Variants in MEGF11 observed in about 807,000 individuals in gnomAD.
The protein encoded by MEGF11 is multiple EGF like domains 11, also known as multiple epidermal growth factor-like domains protein 11.
In MEGF11, 126 loss-of-function variants were observed where a neutral mutation model predicts 146.6. That is an observed-to-expected ratio of 0.86 (90% confidence interval 0.74 to 1.00). MEGF11 has a LOEUF of 1.00. Among genes scored for constraint, MEGF11 ranks in the 50% least tolerant of loss-of-function variants. The pLI, the probability that MEGF11 is intolerant of heterozygous loss-of-function variation, is 0.00. For missense variants in MEGF11, 1,509 were observed against 1,521.2 expected, an observed-to-expected ratio of 0.99 and a Z score of 0.13; for synonymous variants, 532 against 583.4, an observed-to-expected ratio of 0.91 and a Z score of 1.27.
intron 5 of MEGF11, among the ~76,000 whole-genome samples, chr15:66,082,033 G>C (rs967791134): frequency 6.6e-6 from 1 of 152,114 alleles, no homozygotes; most frequent in Non-Finnish European, 1.5e-5. Flanking sequence ...TTGGACCTCC[G>C]AGCCTCCAGA....
At chr15:66,228,373 C>T (rs974688060) in intron 1 of MEGF11, among the ~76,000 whole-genome samples, 11 of 152,052 alleles carry the variant, frequency 7.2e-5, no homozygotes, top group Non-Finnish European at 1.0e-4. Flanking sequence ...CCTGCTCTTC[C>T]TCCTCCACCA....
At chr15:65,930,985 A>T (rs1458263121) in intron 10 of MEGF11, 42 bp from the exon 11 acceptor site, 1 of 1,509,860 alleles carries the variant, frequency 6.6e-7, no homozygotes, top group Non-Finnish European at 8.9e-7. Flanking sequence ...AGGTTGCTCC[A>T]TGTTGGATGG....
rs67745382 is a variant in MEGF11, at chr15:66,253,695, AG to A, written c.-100del. On this transcript the variant is annotated 5_prime_UTR_variant, in exon 1 of 26. Coordinates refer to ENST00000395614, the MANE Select transcript of MEGF11 (RefSeq NM_001385028.1). The stretch of plus-strand genomic sequence containing the variant: ...CCTGGCCAGAGCGCCAGGCAGGAGC[AG>A]GGGGCCGCGAGCAGCCGGGAGCCGG... 25,988 of 151,648 alleles carry A rather than the reference AG, an allele frequency of 0.17. 2,680 individuals carry two copies. Among genetic ancestry groups the A allele is most frequent in the Middle Eastern group, 0.31 (92 of 296 alleles). 9.4% of individuals were successfully genotyped at this position (151,648 alleles called of 1,614,324 possible). A position where few individuals can be genotyped will look rare whatever the true frequency, so the allele number is the denominator to read the frequency against.
chr15:66,212,580 G>A (rs1020943217), intron 1 of MEGF11, among the ~76,000 whole-genome samples: 15 of 152,222 alleles, frequency 9.9e-5, no homozygotes, highest in Non-Finnish European at 1.9e-4. Flanking sequence ...CAGTAGTGAA[G>A]GTAATTACAT....
At chr15:66,249,576 G>C (rs1340559723) in intron 1 of MEGF11, among the ~76,000 whole-genome samples, 1 of 152,190 alleles carries the variant, frequency 6.6e-6, no homozygotes, top group Admixed American at 6.5e-5. Flanking sequence ...CTCTTGGATG[G>C]GGAGGGGGAG....
intron 1 of MEGF11, among the ~76,000 whole-genome samples, chr15:66,165,007 C>A (rs1373380388): frequency 6.6e-6 from 1 of 152,198 alleles, no homozygotes; most frequent in Non-Finnish European, 1.5e-5. Flanking sequence ...GGGAGACTCC[C>A]GGACAGCAGA....
intron 4 of MEGF11, among the ~76,000 whole-genome samples, chr15:66,097,883 G>T (rs942380942): frequency 6.6e-6 from 1 of 152,136 alleles, no homozygotes; most frequent in African/African-American, 2.4e-5. Context: ...GTAAGATCCA[G>T]CAGCAGATCT....
At chr15:66,130,824 C>T (rs776129238) in intron 1 of MEGF11, among the ~76,000 whole-genome samples, 2 of 152,048 alleles carry the variant, frequency 1.3e-5, no homozygotes, top group Non-Finnish European at 2.9e-5. Flanking sequence ...CACATGGGGG[C>T]AACTCATCCC....
chr15:66,119,941 C>A lies in MEGF11; in HGVS notation c.201-755G>T, dbSNP rs542365358. Among the ~76,000 whole-genome samples, 3 of 152,294 alleles carry A rather than the reference C, an allele frequency of 2.0e-5. No homozygotes were observed. In the South Asian group the frequency reaches 6.2e-4, roughly 32 times the overall value. On this transcript the variant is annotated intron_variant, in intron 3 of 25. Transcript: ENST00000395614. ...CTCATTCCATTCCCTGGGGCAGGCA[C>A]CATTACTATCCCCCTTTATTTTATT...
intron 10 of MEGF11, among the ~76,000 whole-genome samples, chr15:65,932,337 C>T (rs901542280): frequency 3.9e-5 from 6 of 151,966 alleles, no homozygotes; most frequent in African/African-American, 9.6e-5. Context: ...GCCTCACCTG[C>T]GAGCCACTAA....
chr15:65,980,227 G>A (rs1381913497), intron 7 of MEGF11, among the ~76,000 whole-genome samples: 1 of 152,114 alleles, frequency 6.6e-6, no homozygotes, highest in East Asian at 1.9e-4. Context: ...CTTTGCACAC[G>A]AGAGACCACA....
At chr15:66,091,914 A>G (rs1597074186) in intron 5 of MEGF11, among the ~76,000 whole-genome samples, 1 of 152,210 alleles carries the variant, frequency 6.6e-6, no homozygotes, top group Admixed American at 6.5e-5. Flanking sequence ...AATGATCACT[A>G]TCTTCTAATA....
intron 1 of MEGF11, among the ~76,000 whole-genome samples, chr15:66,186,954 C>G (rs1206240877): frequency 6.6e-6 from 1 of 152,210 alleles, no homozygotes; most frequent in Non-Finnish European, 1.5e-5. Flanking sequence ...TGTCTTAGCT[C>G]TGCTGCCTAC....
chr15:66,194,994 C>A (rs1046993388), intron 1 of MEGF11, among the ~76,000 whole-genome samples: 1 of 151,856 alleles, frequency 6.6e-6, no homozygotes, highest in South Asian at 2.1e-4. Flanking sequence ...GGCACGTGGT[C>A]TAGTTATGTC....
chr15:66,032,064 A>G (rs2083542009), intron 5 of MEGF11, among the ~76,000 whole-genome samples: 1 of 152,216 alleles, frequency 6.6e-6, no homozygotes, highest in South Asian at 2.1e-4. Context: ...GCTCCTTATG[A>G]CAATCTAATG....
chr15:66,071,640 T>A (rs1028541451), intron 5 of MEGF11, among the ~76,000 whole-genome samples: 1 of 152,202 alleles, frequency 6.6e-6, no homozygotes, highest in African/African-American at 2.4e-5. Flanking sequence ...GGGCTCGGGT[T>A]CCCAGTTGGG....
In MEGF11 at chr15:65,929,841, G is replaced by T; in HGVS notation, c.1451C>A (p.Thr484Lys). ...LDCTLPCPSG[T>K]WGLNCNESCT... Reference sequence around the variant, plus strand: ...GCTCTCGTTGCAGTTCAGGCCCCACGTCCCACTGGGACATGGCAGGGTGCA... The same window carrying T: ...GCTCTCGTTGCAGTTCAGGCCCCACTTCCCACTGGGACATGGCAGGGTGCA... Residue 484 changes from threonine (T) to lysine (K), a missense_variant, in exon 12 of 26, where the codon ACG becomes AAG. Coordinates refer to ENST00000395614, the MANE Select transcript of MEGF11 (RefSeq NM_001385028.1). 6.3e-7 allele frequency: 1 copy of T among 1,594,564 alleles called. No homozygotes were observed.
chr15:66,119,151 C>T lies in MEGF11; in HGVS notation c.236G>A (p.Arg79Gln), dbSNP rs1479607738. The T allele has an allele frequency of 9.0e-6, 14 of 1,551,474 alleles. No homozygotes were observed. Among genetic ancestry groups the T allele is most frequent in the South Asian group, 5.9e-5 (5 of 84,062 alleles). The change falls in exon 4 of 26, where the codon CGG becomes CAG. Residue 79 changes from arginine (R) to glutamine (Q), a missense_variant. Coordinates refer to ENST00000395614, the MANE Select transcript of MEGF11 (RefSeq NM_001385028.1). ...CTGGGACCTCCGCCGGTACATGGTC[C>T]GGAGGCCTCTCCGATACGCCGTCTT... is the stretch of plus-strand genomic sequence containing the variant. ...SYKTAYRRGL[R>Q]TMYRRRSQCC...
intron 5 of MEGF11, among the ~76,000 whole-genome samples, chr15:66,022,127 C>T (rs1186862589): frequency 6.6e-6 from 1 of 152,218 alleles, no homozygotes; most frequent in African/African-American, 2.4e-5. Context: ...AACAGAGGGC[C>T]ACCCTGGCCC....
Sources: allele counts gnomAD v4.1 joint callset (sites outside exome capture counted in the v4.1 genomes callset), GRCh38; gene constraint gnomAD v4.1.1; transcripts MANE v1.5; gene names NCBI Gene and HGNC (gene_info 2026-07-23, HGNC 2026-07-21).